The following SCAMP4 variants were observed in gnomAD, a reference collection of about 807,000 sequenced individuals.
The protein encoded by SCAMP4 is secretory carrier-associated membrane protein 4.
A neutral mutation model predicts 32.1 loss-of-function variants in SCAMP4; 19 were observed. The observed-to-expected ratio is 0.59, with a 90% CI of 0.41 to 0.87. SCAMP4 has a LOEUF of 0.87. SCAMP4 is among the 40% of genes least tolerant of loss of function. SCAMP4 has a pLI of 0.00. For missense variants in SCAMP4, 302 were observed against 309.0 expected (o/e 0.98, Z 0.17); for synonymous variants, 152 against 132.7 (o/e 1.15, Z -1.00).
In SCAMP4 at chr19:1,913,441, A is replaced by T. The variant is rs990633788; in HGVS notation, c.-41-1538A>T. 5.6e-6 allele frequency: 3 copies of T among 534,946 alleles called. No individual in the cohort carries two copies. The African/African-American group carries it at 5.9e-5, about 11-fold the overall frequency. 33.1% of individuals were successfully genotyped at this position (534,946 alleles called of 1,614,324 possible). A position where few individuals can be genotyped will look rare whatever the true frequency, so the allele number is the denominator to read the frequency against. On this transcript the variant is annotated intron_variant, in intron 1 of 6. Coordinates refer to ENST00000316097, the MANE Select transcript of SCAMP4 (RefSeq NM_079834.4). ...CTCTGATGGGAAAATAAACAGCCCA[A>T]AACCAAGTGGGTGTCTGTTAGGAGG... is the stretch of plus-strand genomic sequence containing the variant.
chr19:1,922,657 G>A (rs766954730), intron 5 of SCAMP4: 199 of 987,618 alleles, frequency 2.0e-4, no homozygotes, highest in Non-Finnish European at 2.3e-4. Flanking sequence ...CACAGTTGCC[G>A]TAGGCTGGGT....
At chr19:1,918,825 T>C in intron 4 of SCAMP4, 64 bp from the exon 5 acceptor site, 1 of 1,553,464 alleles carries the variant, frequency 6.4e-7, no homozygotes, top group Non-Finnish European at 8.7e-7. Context: ...GGCCCGTTCC[T>C]CTCTAGGCGC....
In SCAMP4 at chr19:1,908,321, C is replaced by T. The variant is rs759180462; in HGVS notation, c.-42+2882C>T. 1.4e-5 allele frequency: 5 copies of T among 352,706 alleles called. No homozygotes were observed. Among genetic ancestry groups the T allele is most frequent in the East Asian group, 8.0e-5 (1 of 12,494 alleles). 21.8% of individuals were successfully genotyped at this position (352,706 alleles called of 1,614,324 possible). On this transcript the variant is annotated intron_variant, in intron 1 of 6. Coordinates refer to ENST00000316097, the MANE Select transcript of SCAMP4 (RefSeq NM_079834.4). This position sits in a 1 kb window ranked among gnomAD's most constrained non-coding sequence, Gnocchi z 4.2. Reference sequence around the variant, plus strand: ...CGTGAGCTTCGGGCAGCGCTGGGGCCGCTTCAGCGTGACCTCCAAGGCCAC... The same window carrying T: ...CGTGAGCTTCGGGCAGCGCTGGGGCTGCTTCAGCGTGACCTCCAAGGCCAC...
rs571632775 is a variant in SCAMP4 at position 1,920,961 on chromosome 19, G to C, written c.395+1971G>C. 6.7e-5 allele frequency: 66 copies of C among 985,320 alleles called. No individual in the cohort carries two copies. In the African/African-American group the frequency reaches 1.0e-3, roughly 15 times the overall value. The allele number at this position is 985,320 out of a possible 1,614,324, so 61.0% of individuals were successfully genotyped here. A position where few individuals can be genotyped will look rare whatever the true frequency, so the allele number is the denominator to read the frequency against. On this transcript the variant is annotated intron_variant, in intron 5 of 6. Coordinates refer to ENST00000316097, the MANE Select transcript of SCAMP4 (RefSeq NM_079834.4). Reference sequence around the variant, plus strand: ...ATTGGAGCCTGGGTCATCTCCCGCAGGTCACGGGAGAAGCTGAGCATGCGG... The same window carrying C: ...ATTGGAGCCTGGGTCATCTCCCGCACGTCACGGGAGAAGCTGAGCATGCGG...
At chr19:1,923,904 CGT>C (rs2014006898) in intron 6 of SCAMP4, among the ~76,000 whole-genome samples, 1 of 108,088 alleles carries the variant, frequency 9.3e-6, no homozygotes, top group Non-Finnish European at 2.5e-5. Flanking sequence ...GGATGACAGG[CGT>C]GAGCCACCGT....
chr19:1,912,148 G>T (rs1220543903), intron 1 of SCAMP4: 4 of 1,565,246 alleles, frequency 2.6e-6, no homozygotes, highest in African/African-American at 2.7e-5. Flanking sequence ...GAGGCCGGGA[G>T]CCCGGAGCCT....
At chr19:1,909,538 C>T (rs894225830) in intron 1 of SCAMP4, among the ~76,000 whole-genome samples, 1 of 151,846 alleles carries the variant, frequency 6.6e-6, no homozygotes, top group African/African-American at 2.4e-5. Flanking sequence ...TTTACTGCCT[C>T]CCGTCCTCAC....
At chr19:1,915,502 G>A (rs1030639166) in intron 2 of SCAMP4, 2 of 199,080 alleles carry the variant, frequency 1.0e-5, no homozygotes, top group African/African-American at 2.3e-5. Flanking sequence ...GTGCCACGCT[G>A]AGTGCCCCAA....
At position 1,913,995 on chromosome 19, in the gene SCAMP4, T is replaced by C. The variant is rs62127737; in HGVS notation, c.-41-984T>C. Among the ~76,000 whole-genome samples, 876 of 152,224 alleles carry C rather than the reference T, an allele frequency of 5.8e-3. 6 individuals carry two copies. The highest frequency in any genetic ancestry group is 7.9e-3 in the Non-Finnish European group (535 of 67,998). ...CTGCTGGCCAGGAGCCCGCCAGGCC[T>C]GCAGTGGGGGAGTCCGTGCCTGGGG... On this transcript the variant is annotated intron_variant, in intron 1 of 6. Transcript: ENST00000316097.
intron 1 of SCAMP4, among the ~76,000 whole-genome samples, chr19:1,911,528 G>A (rs2013446909): frequency 6.6e-6 from 1 of 152,192 alleles, no homozygotes; most frequent in South Asian, 2.1e-4. Context: ...ACTCACACCT[G>A]TAATCCCACC....
At position 1,921,797 on chromosome 19, in the gene SCAMP4, T is replaced by C. The variant is rs1026717498; in HGVS notation, c.396-1273T>C. ...GGAGTTCAGACTGGCCTGGGCAACA[T>C]AGGGAGAAACCATCTCTCCAGAAAA... On this transcript the variant is annotated intron_variant, in intron 5 of 6. Transcript: ENST00000316097. 1.9e-5 allele frequency: 19 copies of C among 982,888 alleles called. No individual in the cohort carries two copies. The Admixed American group carries it at 2.5e-4, about 13-fold the overall frequency. The allele number at this position is 982,888 out of a possible 1,614,324, so 60.9% of individuals were successfully genotyped here. A position where few individuals can be genotyped will look rare whatever the true frequency, so the allele number is the denominator to read the frequency against.
In SCAMP4 at chr19:1,922,926, G is replaced by A. The variant is rs181876874; in HGVS notation, c.396-144G>A. ...TGCCTCTCAGTATCGCTTTATGTTT[G>A]TTGGCCACTTGGTCGTCCTTGTATG... is the stretch of plus-strand genomic sequence containing the variant. On this transcript the variant is annotated intron_variant, in intron 5 of 6. Transcript: ENST00000316097. 9.6e-6 allele frequency: 13 copies of A among 1,354,742 alleles called. No homozygotes were observed. In the East Asian group the frequency reaches 2.0e-4, roughly 21 times the overall value. 83.9% of individuals were successfully genotyped at this position (1,354,742 alleles called of 1,614,324 possible). A position where few individuals can be genotyped will look rare whatever the true frequency, so the allele number is the denominator to read the frequency against.
intron 6 of SCAMP4, 92 bp downstream of exon 6, chr19:1,923,279 G>C (rs1055827283): frequency 8.9e-7 from 1 of 1,125,472 alleles, no homozygotes. Flanking sequence ...TCGAGGAGCC[G>C]GGCCCTCTCC....
intron 1 of SCAMP4, 53 bp downstream of exon 1, chr19:1,905,492 G>C (rs932249455): frequency 1.6e-5 from 7 of 434,790 alleles, no homozygotes; most frequent in Admixed American, 7.6e-5. Context: ...CTTCCCCAGA[G>C]GGGGAGTAGG....
rs528778482 is a variant in SCAMP4, at chr19:1,923,710, T to C, written c.514-398T>C. On this transcript the variant is annotated intron_variant, in intron 6 of 6. Transcript: ENST00000316097. ...CTCTGCTCACTGCAAGCTCCGCCTC[T>C]GGGGTTCATGCCATTCTCCTGCCTC... 6.3e-5 allele frequency among the ~76,000 whole-genome samples: 9 copies of C among 142,450 alleles called. No individual in the cohort carries two copies. In the South Asian group the frequency reaches 6.9e-4, roughly 11 times the overall value. The allele number at this position is 142,450 out of a possible 152,430, so 93.5% of individuals were successfully genotyped here. A position where few individuals can be genotyped will look rare whatever the true frequency, so the allele number is the denominator to read the frequency against.
chr19:1,921,010 G>A (rs1407005410), intron 5 of SCAMP4: 2 of 985,296 alleles, frequency 2.0e-6, no homozygotes, highest in Non-Finnish European at 2.4e-6. Context: ...TGGACAGAAG[G>A]TGAACGCTCT....
In SCAMP4 at chr19:1,924,650, C is replaced by T. The variant is rs1289222839; in HGVS notation, c.*366C>T. 1 of 289,198 alleles carries T rather than the reference C, an allele frequency of 3.5e-6. No individual in the cohort carries two copies. The highest frequency in any genetic ancestry group is 2.1e-5 in the African/African-American group (1 of 46,982). The allele number at this position is 289,198 out of a possible 1,614,324, so 17.9% of individuals were successfully genotyped here. On this transcript the variant is annotated 3_prime_UTR_variant, in exon 7 of 7. Transcript: ENST00000316097. ...GCAGCAGGTCGGCCGCCCTCCCGTC[C>T]TCCCAGAGCTGCTGGCGCTGAGGTC...
intron 5 of SCAMP4, chr19:1,922,260 C>T (rs1211191348): frequency 3.0e-6 from 3 of 985,222 alleles, no homozygotes; most frequent in Non-Finnish European, 3.6e-6. Context: ...GCAGTGCTTT[C>T]CCTCGTTTTT....
At position 1,908,458 on chromosome 19, in the gene SCAMP4, G is replaced by T. The variant is rs569296092; in HGVS notation, c.-42+3019G>T. On this transcript the variant is annotated intron_variant, in intron 1 of 6. Transcript: ENST00000316097. The surrounding 1 kb of genome is among the most constrained non-coding windows in gnomAD (Gnocchi z 4.2). ...GTAGCACCCACAGCTGCGCGGCTGC[G>T]AAATGATCCAGAGACACATCCCTGT... The T allele has an allele frequency of 4.3e-6, 2 of 470,386 alleles. No homozygotes were observed. Among genetic ancestry groups the T allele is most frequent in the African/African-American group, 2.0e-5 (1 of 50,048 alleles). 29.1% of individuals were successfully genotyped at this position (470,386 alleles called of 1,614,324 possible). A position where few individuals can be genotyped will look rare whatever the true frequency, so the allele number is the denominator to read the frequency against.
Sources: gnomAD v4.1 joint callset for allele counts (sites outside exome capture counted in the v4.1 genomes callset) on GRCh38, gnomAD v4.1.1 for gene constraint, Gnocchi (gnomAD v3.1) non-coding constraint, MANE v1.5 for transcripts, NCBI Gene and HGNC (gene_info 2026-07-23, HGNC 2026-07-21) for gene names.